The following DCDC2C variants were observed in gnomAD, a reference collection of about 807,000 sequenced individuals.
DCDC2C encodes the protein doublecortin domain containing 2C, also known as doublecortin domain-containing protein 2C.
Under a neutral mutation model 45.0 loss-of-function variants are expected in DCDC2C, and 44 were observed. The ratio of observed to expected loss-of-function variants is 0.98; its 90% CI spans 0.77 to 1.26. The LOEUF (loss-of-function observed/expected upper bound fraction) is 1.26. Among genes scored for constraint, DCDC2C ranks in the 50% most tolerant of loss-of-function variants. The probability of loss-of-function intolerance (pLI) is 0.00; values close to 1 mark genes in which losing one functional copy is unlikely to be tolerated. For synonymous variants in DCDC2C, 187 were observed against 178.8 expected, an observed-to-expected ratio of 1.05 and a Z score of -0.37; for missense variants, 447 against 468.9, an observed-to-expected ratio of 0.95 and a Z score of 0.43.
Position 3,814,976 on chromosome 2 carries a change from C to T in DCDC2C, c.1065+29876C>T, listed in dbSNP as rs537841928. 5.9e-5 allele frequency among the ~76,000 whole-genome samples: 9 copies of T among 152,352 alleles called. No individual in the cohort carries two copies. In the South Asian group the frequency reaches 8.3e-4, roughly 14 times the overall value. The stretch of plus-strand genomic sequence containing the variant: ...GGGAGCATAGCGTGTTAGGCAGTGG[C>T]GAGTCCCAGTGCTGGCTGCTGCCCC... On this transcript the variant is annotated intron_variant, in intron 10 of 10. Transcript: ENST00000399143.
chr2:3,703,653 C>CGGACCTT lies in DCDC2C; in HGVS notation c.-99_-98insGGACCTT. The CGGACCTT allele has an allele frequency of 8.8e-7, 1 of 1,140,446 alleles. No individual in the cohort carries two copies. Among genetic ancestry groups the CGGACCTT allele is most frequent in the South Asian group, 4.4e-5 (1 of 22,772 alleles). 70.6% of individuals were successfully genotyped at this position (1,140,446 alleles called of 1,614,324 possible). A position where few individuals can be genotyped will look rare whatever the true frequency, so the allele number is the denominator to read the frequency against. ...CTGCGCCAGCGGCTGGAGCGGACCT[C>CGGACCTT]CCGTCGGCGGTGCCCGGGCCTGGGC... is the stretch of plus-strand genomic sequence containing the variant. On this transcript the variant is annotated 5_prime_UTR_variant, in exon 1 of 11. Transcript: ENST00000399143. This position sits in a 1 kb window ranked among gnomAD's most constrained non-coding sequence, Gnocchi z 4.4.
chr2:3,783,226 G>A (rs1670562023), intron 9 of DCDC2C, among the ~76,000 whole-genome samples: 1 of 152,110 alleles, frequency 6.6e-6, no homozygotes, highest in Admixed American at 6.5e-5. Flanking sequence ...AGAGAGAGAG[G>A]GACAGGAAGA....
chr2:3,769,661 T>G (rs942627967), intron 8 of DCDC2C, among the ~76,000 whole-genome samples: 7 of 152,214 alleles, frequency 4.6e-5, no homozygotes, highest in Non-Finnish European at 1.0e-4. Flanking sequence ...CAAATTTGGC[T>G]TCATCATTAT....
intron 10 of DCDC2C, among the ~76,000 whole-genome samples, chr2:3,816,458 T>C (rs1050322668): frequency 6.6e-6 from 1 of 152,122 alleles, no homozygotes; most frequent in Non-Finnish European, 1.5e-5. Flanking sequence ...TTTTTAGCAG[T>C]AAGTTGAGGC....
intron 6 of DCDC2C, among the ~76,000 whole-genome samples, chr2:3,765,270 G>C (rs1669981766): frequency 6.6e-6 from 1 of 152,116 alleles, no homozygotes; most frequent in Non-Finnish European, 1.5e-5. Context: ...CAACTATTAT[G>C]CTTGCTGAAT....
Position 3,842,730 on chromosome 2 carries a change from G to C in DCDC2C, c.1066-4424G>C, listed in dbSNP as rs955768494. 2.0e-5 allele frequency among the ~76,000 whole-genome samples: 3 copies of C among 152,022 alleles called. No individual in the cohort carries two copies. The East Asian group carries it at 5.8e-4, about 29-fold the overall frequency. On this transcript the variant is annotated intron_variant, in intron 10 of 10. Coordinates refer to ENST00000399143, the MANE Select transcript of DCDC2C (RefSeq NM_001287444.2). ...CACAGCAGCCTACTGTGGATTGGAGGCTTTCCTGGGTGGCTCTCCTCCACA... is the reference window on the plus strand; with the variant it reads ...CACAGCAGCCTACTGTGGATTGGAGCCTTTCCTGGGTGGCTCTCCTCCACA...
intron 8 of DCDC2C, among the ~76,000 whole-genome samples, chr2:3,771,084 A>G (rs1423770221): frequency 6.6e-6 from 1 of 152,230 alleles, no homozygotes; most frequent in Non-Finnish European, 1.5e-5. Context: ...ACAGACTCTC[A>G]GCCATTGTCT....
intron 3 of DCDC2C, 83 bp downstream of exon 3, chr2:3,727,162 T>C: frequency 1.7e-6 from 2 of 1,163,014 alleles, no homozygotes; most frequent in African/African-American, 3.1e-5. Context: ...CAAATGCCCC[T>C]CAGCCCCCTT....
intron 10 of DCDC2C, among the ~76,000 whole-genome samples, chr2:3,835,415 C>A (rs190872341): frequency 2.6e-5 from 4 of 152,158 alleles, no homozygotes; most frequent in African/African-American, 9.6e-5. Context: ...GCAATAAATT[C>A]GAAAGTCAGA....
At chr2:3,728,985 G>T (rs1380391873) in intron 3 of DCDC2C, among the ~76,000 whole-genome samples, 1 of 152,232 alleles carries the variant, frequency 6.6e-6, no homozygotes, top group Non-Finnish European at 1.5e-5. Context: ...GGCACTGATT[G>T]AGCCGTGTGG....
At chr2:3,837,612 G>T (rs1672112639) in intron 10 of DCDC2C, among the ~76,000 whole-genome samples, 4 of 101,988 alleles carry the variant, frequency 3.9e-5, no homozygotes, top group Non-Finnish European at 4.7e-5. Flanking sequence ...TAAAGGGGAA[G>T]AAACTGAGGA....
chr2:3,746,260 G>A (rs1057233916), intron 4 of DCDC2C, among the ~76,000 whole-genome samples: 2 of 152,176 alleles, frequency 1.3e-5, no homozygotes, highest in African/African-American at 4.8e-5. Flanking sequence ...CAGAAGAGAT[G>A]CGTGCTGTAA....
intron 3 of DCDC2C, among the ~76,000 whole-genome samples, chr2:3,739,109 T>G (rs1331589642): frequency 6.6e-6 from 1 of 152,244 alleles, no homozygotes; most frequent in Admixed American, 6.5e-5. Flanking sequence ...TTCTCTTTTA[T>G]CTTAAAAATT....
chr2:3,828,513 A>G (rs1445156891), intron 10 of DCDC2C, among the ~76,000 whole-genome samples: 1 of 152,178 alleles, frequency 6.6e-6, no homozygotes, highest in East Asian at 1.9e-4. Flanking sequence ...TCATAGTCCA[A>G]TTACAGCCTT....
chr2:3,821,411 C>T (rs1671684481), intron 10 of DCDC2C, among the ~76,000 whole-genome samples: 1 of 152,124 alleles, frequency 6.6e-6, no homozygotes, highest in South Asian at 2.1e-4. Context: ...TGGCTATGAT[C>T]TCCTGTGAGA....
chr2:3,723,961 CTG>C (rs941579068), intron 2 of DCDC2C, among the ~76,000 whole-genome samples: 1 of 145,674 alleles, frequency 6.9e-6, no homozygotes, highest in Non-Finnish European at 1.5e-5. Flanking sequence ...CTCTGTCTCT[CTG>C]TGTGTTTCTG....
chr2:3,835,985 C>T (rs907381877), intron 10 of DCDC2C, among the ~76,000 whole-genome samples: 5 of 152,146 alleles, frequency 3.3e-5, no homozygotes, highest in African/African-American at 1.2e-4. Flanking sequence ...CTCACATGAT[C>T]CTTTTACCTT....
chr2:3,772,132 A>G (rs561533604), intron 8 of DCDC2C, among the ~76,000 whole-genome samples: 158 of 152,342 alleles, frequency 1.0e-3, no homozygotes, highest in Middle Eastern at 3.4e-3. Flanking sequence ...TAAATGTATG[A>G]ATTTGGAGTC....
At chr2:3,772,542 C>G (rs191585672) in intron 8 of DCDC2C, among the ~76,000 whole-genome samples, 1 of 152,268 alleles carries the variant, frequency 6.6e-6, no homozygotes, top group African/African-American at 2.4e-5. Flanking sequence ...TGGAGCACGG[C>G]CTCACTGAAT....
Sources: gnomAD v4.1 joint callset for allele counts (sites outside exome capture counted in the v4.1 genomes callset) on GRCh38, gnomAD v4.1.1 for gene constraint, Gnocchi (gnomAD v3.1) non-coding constraint, MANE v1.5 for transcripts, NCBI Gene and HGNC (gene_info 2026-07-23, HGNC 2026-07-21) for gene names.